Variants in FSTL5 observed in about 807,000 individuals in gnomAD.
The protein encoded by FSTL5 is follistatin like 5, also known as follistatin-related protein 5.
Under a neutral mutation model 89.1 loss-of-function variants are expected in FSTL5, and 62 were observed. That is an observed-to-expected ratio of 0.70 (90% CI 0.57 to 0.86). The LOEUF (loss-of-function observed/expected upper bound fraction) is 0.86, where lower values mean the gene tolerates loss of function less well. Among genes scored for constraint, FSTL5 ranks in the 40% least tolerant of loss-of-function variants. The pLI, the probability that FSTL5 is intolerant of heterozygous loss-of-function variation, is 0.00. For synonymous variants in FSTL5, 383 were observed against 346.2 expected (o/e 1.11, Z -1.18); for missense variants, 1,057 against 1,001.6 (o/e 1.06, Z -0.75).
At position 161,784,156 on chromosome 4, in the gene FSTL5, G is replaced by A. The variant is rs532315534; in HGVS notation, c.410-8082C>T. On this transcript the variant is annotated intron_variant, in intron 4 of 15. Transcript: ENST00000306100. ...TTGCCATGTTGGCCAGGCTGCTCTC[G>A]AACTCCTGGCCTCAAGTGATCCTCC... is the stretch of plus-strand genomic sequence containing the variant. Among the ~76,000 whole-genome samples, 11 of 151,444 alleles carry A rather than the reference G, an allele frequency of 7.3e-5. No individual in the cohort carries two copies. In the East Asian group the frequency reaches 2.0e-3, roughly 27 times the overall value.
At chr4:161,878,858 A>C (rs1028059599) in intron 4 of FSTL5, among the ~76,000 whole-genome samples, 1 of 152,136 alleles carries the variant, frequency 6.6e-6, no homozygotes, top group African/African-American at 2.4e-5. Flanking sequence ...ATCACAATTA[A>C]TTTTTCCATC....
In FSTL5 at chr4:161,643,746, A is replaced by G. The variant is rs4691776; in HGVS notation, c.894+12582T>C. 7.0e-3 allele frequency among the ~76,000 whole-genome samples: 1,059 copies of G among 152,312 alleles called. 16 individuals carry two copies. The highest frequency in any genetic ancestry group is 0.047 in the South Asian group (225 of 4,828). ...TGTTATTAAAGAAATTGAATCTAGAAATTGTTGAACTGTGCTAGGTTTAAA... is the reference window on the plus strand; with the variant it reads ...TGTTATTAAAGAAATTGAATCTAGAGATTGTTGAACTGTGCTAGGTTTAAA... On this transcript the variant is annotated intron_variant, in intron 7 of 15. Coordinates refer to ENST00000306100, the MANE Select transcript of FSTL5 (RefSeq NM_020116.5).
intron 1 of FSTL5, among the ~76,000 whole-genome samples, chr4:162,123,170 A>G (rs1731936312): frequency 6.6e-6 from 1 of 152,152 alleles, no homozygotes; most frequent in Non-Finnish European, 1.5e-5. Flanking sequence ...CTGGACCTAC[A>G]TTTATTGTAC....
chr4:162,094,834 T>C (rs865897790), intron 2 of FSTL5, among the ~76,000 whole-genome samples: 1 of 152,156 alleles, frequency 6.6e-6, no homozygotes. Flanking sequence ...CAAATCTAAA[T>C]ATGGATTGAA....
intron 10 of FSTL5, among the ~76,000 whole-genome samples, chr4:161,515,372 T>G (rs1730785160): frequency 1.3e-5 from 2 of 151,796 alleles, no homozygotes; most frequent in South Asian, 4.1e-4. Context: ...TATTTTTTGT[T>G]GTTGTTGTAT....
intron 8 of FSTL5, among the ~76,000 whole-genome samples, chr4:161,547,438 C>T (rs1369328744): frequency 1.3e-5 from 2 of 151,822 alleles, no homozygotes; most frequent in African/African-American, 4.8e-5. Context: ...ATAAAATCCC[C>T]AGCTTCTTTT....
chr4:161,850,009 T>C lies in FSTL5; in HGVS notation c.409+70395A>G, dbSNP rs1731500005. On this transcript the variant is annotated intron_variant, in intron 4 of 15. Coordinates refer to ENST00000306100, the MANE Select transcript of FSTL5 (RefSeq NM_020116.5). ...TTTGTTCCATTAAAATGGAATTGCT[T>C]GATGTTACCAAGATCTCAAAGGAAA... is the stretch of plus-strand genomic sequence containing the variant. 2.0e-5 allele frequency among the ~76,000 whole-genome samples: 3 copies of C among 152,166 alleles called. No individual in the cohort carries two copies. In the South Asian group the frequency reaches 6.2e-4, roughly 32 times the overall value.
chr4:162,051,932 C>A (rs1218753556), intron 2 of FSTL5, among the ~76,000 whole-genome samples: 3 of 149,784 alleles, frequency 2.0e-5, no homozygotes, highest in Non-Finnish European at 4.5e-5. Context: ...ACAACATTAG[C>A]AAAGAAAAAC....
chr4:161,461,217 GAGGCTGAGGC>G (rs1733560394), intron 13 of FSTL5, among the ~76,000 whole-genome samples: 1 of 150,890 alleles, frequency 6.6e-6, no homozygotes, highest in Non-Finnish European at 1.5e-5. Flanking sequence ...AGCACTTCAG[GAGGCTGAGGC>G]AGGCGGATCA....
intron 15 of FSTL5, among the ~76,000 whole-genome samples, chr4:161,394,105 G>T (rs1342592970): frequency 2.0e-5 from 3 of 152,192 alleles, no homozygotes; most frequent in East Asian, 3.9e-4. Flanking sequence ...TTCTAATAGG[G>T]TTCATTTGAC....
chr4:161,498,472 A>G (rs12331711), intron 12 of FSTL5, among the ~76,000 whole-genome samples: 5,616 of 152,218 alleles, frequency 0.037, 338 homozygotes, highest in African/African-American at 0.13. Context: ...GGTGCAGGAA[A>G]AATATTCTTT....
chr4:161,505,950 G>C (rs1730464875), intron 11 of FSTL5, among the ~76,000 whole-genome samples: 1 of 152,122 alleles, frequency 6.6e-6, no homozygotes, highest in African/African-American at 2.4e-5. Context: ...CCATTAGAAA[G>C]CATAGTCTTC....
chr4:161,654,470 G>A (rs749789337), intron 7 of FSTL5, among the ~76,000 whole-genome samples: 1 of 152,056 alleles, frequency 6.6e-6, no homozygotes, highest in Non-Finnish European at 1.5e-5. Context: ...ATGCACCTGA[G>A]ATATGTGCTC....
intron 6 of FSTL5, among the ~76,000 whole-genome samples, chr4:161,745,458 G>C (rs1429942064): frequency 6.6e-6 from 1 of 151,910 alleles, no homozygotes; most frequent in Admixed American, 6.6e-5. Context: ...GTTTAATATG[G>C]AGTGATAACA....
intron 10 of FSTL5, among the ~76,000 whole-genome samples, chr4:161,518,648 G>T (rs191153747): frequency 6.6e-6 from 1 of 152,034 alleles, no homozygotes; most frequent in Non-Finnish European, 1.5e-5. Flanking sequence ...TTGAATCCAC[G>T]ACAAGGTAAG....
At chr4:162,123,169 C>T (rs1731936200) in intron 1 of FSTL5, among the ~76,000 whole-genome samples, 1 of 152,116 alleles carries the variant, frequency 6.6e-6, no homozygotes, top group Admixed American at 6.5e-5. Context: ...TCTGGACCTA[C>T]ATTTATTGTA....
Position 161,898,966 on chromosome 4 carries a change from C to T in FSTL5, c.409+21438G>A, listed in dbSNP as rs142457571. Among the ~76,000 whole-genome samples, 331 of 152,220 alleles carry T rather than the reference C, an allele frequency of 2.2e-3. 1 individual carries two copies. Among genetic ancestry groups the T allele is most frequent in the African/African-American group, 7.5e-3 (312 of 41,540 alleles). ...GTATTCTTTAGTGAGATGCTCATCA[C>T]TCCTCTGTCTCCATCTCCTTCCTAT... On this transcript the variant is annotated intron_variant, in intron 4 of 15. Coordinates refer to ENST00000306100, the MANE Select transcript of FSTL5 (RefSeq NM_020116.5).
At chr4:161,430,666 G>A (rs1732328223) in intron 15 of FSTL5, among the ~76,000 whole-genome samples, 1 of 152,164 alleles carries the variant, frequency 6.6e-6, no homozygotes. Context: ...TGTGAACCCG[G>A]GAGGCGGAGC....
chr4:161,745,809 A>C (rs1244588482), intron 6 of FSTL5, among the ~76,000 whole-genome samples: 2 of 152,112 alleles, frequency 1.3e-5, no homozygotes, highest in Non-Finnish European at 2.9e-5. Flanking sequence ...TAATATAGAT[A>C]GTTCTTACAA....
Sources: allele counts gnomAD v4.1 joint callset (sites outside exome capture counted in the v4.1 genomes callset), GRCh38; gene constraint gnomAD v4.1.1; transcripts MANE v1.5; gene names NCBI Gene and HGNC (gene_info 2026-07-23, HGNC 2026-07-21).